LSR: variants seen among roughly 807,000 people sequenced by gnomAD.
LSR encodes the protein lipolysis-stimulated lipoprotein receptor.
A neutral mutation model predicts 61.8 loss-of-function variants in LSR; 44 were observed. The observed-to-expected ratio is 0.71, with a 90% CI of 0.56 to 0.91. LSR has a LOEUF of 0.91. LSR is among the 40% of genes least tolerant of loss of function. The pLI is 0.00. For missense variants in LSR, 911 were observed against 830.5 expected (o/e 1.10, Z -1.19); for synonymous variants, 397 against 350.6 (o/e 1.13, Z -1.48).
chr19:35,262,487 T>C, intron 4 of LSR, 59 bp from the exon 5 acceptor site: 1 of 1,595,614 alleles, frequency 6.3e-7, no homozygotes, highest in Non-Finnish European at 8.6e-7. Context: ...ACCCCTGCTG[T>C]GCCGTTAGCC....
chr19:35,266,739 G>A lies in LSR; in HGVS notation c.1012+1G>A, dbSNP rs2066006342. 6.2e-7 allele frequency: 1 copy of A among 1,609,242 alleles called. No individual in the cohort carries two copies. The highest frequency in any genetic ancestry group is 8.5e-7 in the Non-Finnish European group (1 of 1,178,080). ...GACACGGACAGCAGTGTGGCCTCTG[G>A]TGAGAATCCATCGTCCCGAAGTTGG... On this transcript the variant is annotated splice_donor_variant, in intron 7 of 9. Coordinates refer to ENST00000605618, the MANE Select transcript of LSR (RefSeq NM_205834.4). LOFTEE classifies it high-confidence loss of function.
At chr19:35,262,473 A>ATG in intron 4 of LSR, 73 bp from the exon 5 acceptor site, 1 of 1,551,670 alleles carries the variant, frequency 6.4e-7, no homozygotes, top group Non-Finnish European at 8.9e-7. Flanking sequence ...GCTCCGCACC[A>ATG]TGTACCCCTG....
intron 3 of LSR, 153 bp downstream of exon 3, chr19:35,259,217 C>G (rs1208271445): frequency 1.0e-6 from 1 of 966,726 alleles, no homozygotes; most frequent in Non-Finnish European, 1.5e-6. Flanking sequence ...GTCACTTAGG[C>G]TCCCCTGTGC....
intron 3 of LSR, among the ~76,000 whole-genome samples, chr19:35,261,491 G>C (rs2065928333): frequency 6.6e-6 from 1 of 152,172 alleles, no homozygotes; most frequent in Non-Finnish European, 1.5e-5. Flanking sequence ...AAGCTGCAGT[G>C]AGCCATGATC....
chr19:35,267,594 G>A lies in LSR; in HGVS notation c.1630G>A (p.Glu544Lys). The change falls in exon 9 of 10, where the codon GAG (glutamate) becomes AAG (lysine). Residue 544 changes from glutamate (E) to lysine (K), a missense_variant. Transcript: ENST00000605618. ...CCTCCCCTATGATGGGCGGCTACTG[G>A]AGGAGGCTGTGAGGAAGAAGGGGTC... ...GDLPYDGRLL[E>K]EAVRKKGSEE... 1 of 1,612,324 alleles carries A rather than the reference G, an allele frequency of 6.2e-7. No homozygotes were observed. The highest frequency in any genetic ancestry group is 8.5e-7 in the Non-Finnish European group (1 of 1,179,700).
At position 35,258,964 on chromosome 19, in the gene LSR, C is replaced by A. The variant is rs2065889880; in HGVS notation, c.474C>A (p.Asp158Glu). The change falls in exon 3 of 10, where the codon GAC becomes GAA. Residue 158 changes from aspartate to glutamate, a missense_variant. Transcript: ENST00000605618. ...TITGNADLTF[D>E]QTAWGDSGVY... ...ACTCAGATGCTGACCTGACCTTTGA[C>A]CAGACGGCGTGGGGGGACAGTGGTG... 3 of 1,614,008 alleles carry A rather than the reference C, an allele frequency of 1.9e-6. No individual in the cohort carries two copies. Among genetic ancestry groups the A allele is most frequent in the Non-Finnish European group, 2.5e-6 (3 of 1,179,978 alleles).
intron 5 of LSR, among the ~76,000 whole-genome samples, chr19:35,265,597 T>G (rs867815916): frequency 2.0e-5 from 3 of 152,110 alleles, no homozygotes; most frequent in African/African-American, 7.2e-5. Context: ...GGAAGCCACT[T>G]GCCTAGGGCC....
At chr19:35,259,088 G>A (rs2145516388) in intron 3 of LSR, 24 bp downstream of exon 3, 1 of 1,606,440 alleles carries the variant, frequency 6.2e-7, no homozygotes, top group Non-Finnish European at 8.5e-7. Context: ...GGAAGGGGGA[G>A]GCATGGCCCT....
rs1271381695 is a variant in LSR at position 35,262,592 on chromosome 19, C to T, written c.678C>T (p.Phe226=). 2 of 1,614,138 alleles carry T rather than the reference C, an allele frequency of 1.2e-6. No individual in the cohort carries two copies. Among genetic ancestry groups the T allele is most frequent in the Non-Finnish European group, 1.7e-6 (2 of 1,180,048 alleles). ...VVVCLAAFLI[F]LLLGICWCQC... ...TATGCCTGGCTGCCTTCCTCATCTTCCTCCTCCTGGGCATCTGCTGGTGCC... is the reference window on the plus strand; with the variant it reads ...TATGCCTGGCTGCCTTCCTCATCTTTCTCCTCCTGGGCATCTGCTGGTGCC... The change falls in exon 5 of 10, where the codon TTC becomes TTT. Residue 226 remains phenylalanine, a synonymous_variant. Coordinates refer to ENST00000605618, the MANE Select transcript of LSR (RefSeq NM_205834.4).
At chr19:35,265,275 T>C (rs2280745) in intron 5 of LSR, among the ~76,000 whole-genome samples, 25,157 of 152,160 alleles carry the variant, frequency 0.17, 2,537 homozygotes, top group Middle Eastern at 0.22. Context: ...CAGGACTAAA[T>C]GCTGGTCCCA....
At chr19:35,252,616 T>A (rs1224460869) in intron 2 of LSR, among the ~76,000 whole-genome samples, 1 of 133,510 alleles carries the variant, frequency 7.5e-6, no homozygotes, top group Non-Finnish European at 1.5e-5. Context: ...ACCACTGTAC[T>A]GCAGTCTGGG....
chr19:35,250,672 G>C lies in LSR; in HGVS notation c.454+13G>C. 2 of 1,530,322 alleles carry C rather than the reference G, an allele frequency of 1.3e-6. No homozygotes were observed. The highest frequency in any genetic ancestry group is 1.8e-6 in the Non-Finnish European group (2 of 1,131,624). 94.8% of individuals were successfully genotyped at this position (1,530,322 alleles called of 1,614,324 possible). ...ACCATCACCGGAAGTATGTTGGGCA[G>C]GGCAGGGGGATGAGGCTGGGCTTGC... On this transcript the variant is annotated intron_variant, in intron 2 of 9. Coordinates refer to ENST00000605618, the MANE Select transcript of LSR (RefSeq NM_205834.4).
intron 2 of LSR, chr19:35,251,786 T>C (rs539936051): frequency 6.6e-6 from 1 of 151,744 alleles, no homozygotes; most frequent in South Asian, 2.1e-4. Flanking sequence ...AATGGGTGCA[T>C]AGGAAGTCAA....
intron 7 of LSR, 25 bp downstream of exon 7, chr19:35,266,763 G>A (rs752612855): frequency 2.5e-6 from 4 of 1,609,556 alleles, no homozygotes; most frequent in Non-Finnish European, 2.5e-6. Flanking sequence ...TCCCGAAGTT[G>A]GATGTGCCTG....
At chr19:35,256,720 A>G (rs1175112529) in intron 2 of LSR, among the ~76,000 whole-genome samples, 2 of 125,356 alleles carry the variant, frequency 1.6e-5, no homozygotes, top group Non-Finnish European at 3.6e-5. Context: ...GAATGAATGA[A>G]TGAATGAATG....
At chr19:35,259,351 A>C (rs1026235051) in intron 3 of LSR, 15 of 273,220 alleles carry the variant, frequency 5.5e-5, no homozygotes, top group Admixed American at 5.4e-4. Flanking sequence ...AAAAATCCAG[A>C]CTTGGGGTCC....
chr19:35,258,667 G>A (rs9917039), intron 2 of LSR, among the ~76,000 whole-genome samples: 10 of 151,920 alleles, frequency 6.6e-5, no homozygotes, highest in Non-Finnish European at 1.5e-5. Flanking sequence ...CTATACTGAA[G>A]AGCTGTGCAG....
chr19:35,258,980 G>T lies in LSR; in HGVS notation c.490G>T (p.Asp164Tyr), dbSNP rs1379130986. 3.7e-6 allele frequency: 6 copies of T among 1,614,082 alleles called. No individual in the cohort carries two copies. Among genetic ancestry groups the T allele is most frequent in the East Asian group, 2.2e-5 (1 of 44,880 alleles). ...DLTFDQTAWGDSGVYYCSVVS... is the reference protein window; with the variant it reads ...DLTFDQTAWGYSGVYYCSVVS... Reference sequence around the variant, plus strand: ...GACCTTTGACCAGACGGCGTGGGGGGACAGTGGTGTGTATTACTGCTCCGT... The same window carrying T: ...GACCTTTGACCAGACGGCGTGGGGGTACAGTGGTGTGTATTACTGCTCCGT... Residue 164 changes from aspartate to tyrosine, a missense_variant, in exon 3 of 10, where the codon GAC becomes TAC. Asp to Tyr is a radical substitution (Grantham distance 160). Transcript: ENST00000605618.
chr19:35,260,710 C>T (rs1354885736), intron 3 of LSR, among the ~76,000 whole-genome samples: 1 of 151,986 alleles, frequency 6.6e-6, no homozygotes, highest in Non-Finnish European at 1.5e-5. Context: ...ACCTGTGAGC[C>T]CAGCTTCTTG....
Sources: allele counts gnomAD v4.1 joint callset (sites outside exome capture counted in the v4.1 genomes callset), GRCh38; gene constraint gnomAD v4.1.1; transcripts MANE v1.5; gene names NCBI Gene and HGNC (gene_info 2026-07-23, HGNC 2026-07-21).